Variants in CDH8 observed in about 807,000 individuals in gnomAD.
CDH8 encodes the protein cadherin-8.
A neutral mutation model predicts 68.1 loss-of-function variants in CDH8; 17 were observed. The ratio of observed to expected loss-of-function variants is 0.25; its 90% confidence interval spans 0.17 to 0.37. CDH8 has a LOEUF of 0.37. Among genes scored for constraint, CDH8 ranks in the 10% least tolerant of loss-of-function variants. The pLI, the probability that CDH8 is intolerant of heterozygous loss-of-function variation, is 1.00. For missense variants in CDH8, 763 were observed against 999.3 expected, an observed-to-expected ratio of 0.76 and a Z score of 3.19; for synonymous variants, 372 against 365.1, an observed-to-expected ratio of 1.02 and a Z score of -0.21.
intron 4 of CDH8, among the ~76,000 whole-genome samples, chr16:61,848,002 T>A (rs1409423853): frequency 6.6e-6 from 1 of 152,082 alleles, no homozygotes; most frequent in Non-Finnish European, 1.5e-5. Flanking sequence ...TAGATAAACA[T>A]GTTTTCCTAT....
At chr16:61,941,869 A>C (rs1964730229) in intron 2 of CDH8, among the ~76,000 whole-genome samples, 1 of 151,738 alleles carries the variant, frequency 6.6e-6, no homozygotes, top group Non-Finnish European at 1.5e-5. Context: ...AGCATCCTCA[A>C]TTTTCTCTAT....
chr16:61,784,230 G>C (rs1172946768), intron 8 of CDH8, among the ~76,000 whole-genome samples: 1 of 152,008 alleles, frequency 6.6e-6, no homozygotes, highest in Non-Finnish European at 1.5e-5. Context: ...CAAAATAAAA[G>C]GATGGAGGAA....
Position 61,653,141 on chromosome 16 carries a change from T to TTTATCA in CDH8, c.*461_*466dup. On this transcript the variant is annotated 3_prime_UTR_variant, in exon 12 of 12. Coordinates refer to ENST00000577390, the MANE Select transcript of CDH8 (RefSeq NM_001796.5). ...TAATGTACAGCAGACCAAGTATTGC[T>TTTATCA]TTATCATTTGTGGCGGGATCCTTAT... The TTTATCA allele has an allele frequency of 8.1e-7, 1 of 1,237,160 alleles. No homozygotes were observed. Among genetic ancestry groups the TTTATCA allele is most frequent in the Non-Finnish European group, 1.0e-6 (1 of 991,374 alleles). The allele number at this position is 1,237,160 out of a possible 1,614,324, so 76.6% of individuals were successfully genotyped here.
chr16:61,770,113 G>A (rs566139422), intron 8 of CDH8, among the ~76,000 whole-genome samples: 2 of 151,654 alleles, frequency 1.3e-5, no homozygotes, highest in Non-Finnish European at 2.9e-5. Context: ...CCTGAGTCTC[G>A]CATGACACAT....
intron 7 of CDH8, among the ~76,000 whole-genome samples, chr16:61,808,874 C>T (rs555116610): frequency 5.3e-5 from 8 of 152,192 alleles, no homozygotes; most frequent in African/African-American, 1.2e-4. Flanking sequence ...AAAAGGATGA[C>T]GGTGGCTGTG....
chr16:61,864,830 T>G (rs1200063761), intron 3 of CDH8, among the ~76,000 whole-genome samples: 1 of 152,160 alleles, frequency 6.6e-6, no homozygotes, highest in Non-Finnish European at 1.5e-5. Context: ...GAATTACAGT[T>G]GGTTAACTGC....
chr16:61,686,791 G>A (rs142285770), intron 10 of CDH8, among the ~76,000 whole-genome samples: 3,386 of 151,936 alleles, frequency 0.022, 68 homozygotes, highest in Non-Finnish European at 0.033. Context: ...TTGAGTGAAT[G>A]CATTTTAGGT....
At chr16:61,829,339 T>A (rs1407929303) in intron 4 of CDH8, among the ~76,000 whole-genome samples, 1 of 151,862 alleles carries the variant, frequency 6.6e-6, no homozygotes, top group Non-Finnish European at 1.5e-5. Context: ...ACGGTCTCTC[T>A]TAACCAGGCC....
intron 10 of CDH8, among the ~76,000 whole-genome samples, chr16:61,665,314 G>C (rs565482737): frequency 6.6e-6 from 1 of 152,030 alleles, no homozygotes; most frequent in East Asian, 1.9e-4. Flanking sequence ...TTTAAAGAAA[G>C]TGTGGCACAT....
intron 3 of CDH8, among the ~76,000 whole-genome samples, chr16:61,872,972 A>G (rs970671148): frequency 6.6e-6 from 1 of 152,200 alleles, no homozygotes; most frequent in African/African-American, 2.4e-5. Flanking sequence ...GTCAGTTACA[A>G]TTTAGGACAG....
intron 8 of CDH8, among the ~76,000 whole-genome samples, chr16:61,788,007 G>T (rs1961275030): frequency 6.7e-6 from 1 of 150,282 alleles, no homozygotes; most frequent in Non-Finnish European, 1.5e-5. Context: ...GTTAGTGGGT[G>T]TAGCGCACCA....
intron 10 of CDH8, among the ~76,000 whole-genome samples, chr16:61,708,652 C>A (rs372075831): frequency 6.6e-6 from 1 of 152,202 alleles, no homozygotes; most frequent in Non-Finnish European, 1.5e-5. Context: ...GCTTGCACAT[C>A]GCCCTTAATT....
intron 4 of CDH8, among the ~76,000 whole-genome samples, chr16:61,854,129 TACACACACACACACACAC>T (rs3069985): frequency 4.8e-5 from 7 of 145,628 alleles, no homozygotes; most frequent in African/African-American, 1.7e-4. Context: ...CATATACACA[TACACACACACACACACAC>T]ACACACACAC....
chr16:62,024,366 C>A (rs1245136767), intron 1 of CDH8, among the ~76,000 whole-genome samples: 1 of 152,108 alleles, frequency 6.6e-6, no homozygotes, highest in African/African-American at 2.4e-5. Context: ...GATAGACTAG[C>A]ATGCACAGTT....
intron 3 of CDH8, among the ~76,000 whole-genome samples, chr16:61,877,228 G>A (rs1286406270): frequency 5.3e-5 from 8 of 151,478 alleles, no homozygotes; most frequent in South Asian, 2.1e-4. Flanking sequence ...ATCTTAGAAC[G>A]AGACTATTAA....
rs1247363119 is a variant in CDH8 at position 61,784,338 on chromosome 16, G to A, written c.1414+5008C>T. Among the ~76,000 whole-genome samples, 4 of 149,832 alleles carry A rather than the reference G, an allele frequency of 2.7e-5. No homozygotes were observed. The East Asian group carries it at 7.9e-4, about 30-fold the overall frequency. ...ACCAACAAAGATCAAAAGAGACAAA[G>A]AAGGCCATTACATAATGGTAAAGGG... On this transcript the variant is annotated intron_variant, in intron 8 of 11. Coordinates refer to ENST00000577390, the MANE Select transcript of CDH8 (RefSeq NM_001796.5).
chr16:61,879,046 T>G (rs371833650), intron 3 of CDH8, among the ~76,000 whole-genome samples: 4 of 152,304 alleles, frequency 2.6e-5, no homozygotes, highest in Admixed American at 1.3e-4. Context: ...CCTAAATTTA[T>G]AATGCCAGGA....
chr16:61,665,803 C>CCTTCCTTT (rs1567410654), intron 10 of CDH8, among the ~76,000 whole-genome samples: 3 of 117,614 alleles, frequency 2.6e-5, no homozygotes, highest in Non-Finnish European at 1.8e-5. Flanking sequence ...TTCCTTCCTT[C>CCTTCCTTT]CTTTCCCTCC....
intron 3 of CDH8, among the ~76,000 whole-genome samples, chr16:61,875,750 G>A (rs1963446959): frequency 2.0e-5 from 3 of 152,140 alleles, no homozygotes; most frequent in Non-Finnish European, 2.9e-5. Flanking sequence ...GTGTTACATT[G>A]TGAAATTATC....
Sources: gnomAD v4.1 joint callset for allele counts (sites outside exome capture counted in the v4.1 genomes callset) on GRCh38, gnomAD v4.1.1 for gene constraint, MANE v1.5 for transcripts, NCBI Gene and HGNC (gene_info 2026-07-23, HGNC 2026-07-21) for gene names.